CYP4V2: variants seen among roughly 807,000 people sequenced by gnomAD.
CYP4V2 encodes the protein cytochrome P450 family 4 subfamily V member 2.
Under a neutral mutation model 60.8 loss-of-function variants are expected in CYP4V2, and 55 were observed. The ratio of observed to expected loss-of-function variants is 0.90; its 90% confidence interval spans 0.73 to 1.13. CYP4V2 has a LOEUF of 1.13. Ranked by LOEUF, CYP4V2 falls within the 50% of genes most tolerant of loss-of-function variation. The probability of loss-of-function intolerance (pLI) is 0.00; values close to 1 mark genes in which losing one functional copy is unlikely to be tolerated. For missense variants in CYP4V2, 675 were observed against 662.9 expected (o/e 1.02, Z -0.20); for synonymous variants, 239 against 236.8 (o/e 1.01, Z -0.08).
chr4:186,205,613 A>G (rs955182491), intron 8 of CYP4V2, among the ~76,000 whole-genome samples: 1 of 152,168 alleles, frequency 6.6e-6, no homozygotes, highest in Non-Finnish European at 1.5e-5. Flanking sequence ...TATTTGGGAG[A>G]AAGGAGGAGC....
chr4:186,191,821 G>C lies in CYP4V2; in HGVS notation c.-3G>C. 6.4e-7 allele frequency: 1 copy of C among 1,553,714 alleles called. No homozygotes were observed. The highest frequency in any genetic ancestry group is 8.6e-7 in the Non-Finnish European group (1 of 1,156,524). On this transcript the variant is annotated 5_prime_UTR_variant, in exon 1 of 11. Coordinates refer to ENST00000378802, the MANE Select transcript of CYP4V2 (RefSeq NM_207352.4). ...GTGCACCCCGCGGCCGCCAGCCGGGGCGATGGCGGGGCTCTGGCTGGGGCT... is the reference window on the plus strand; with the variant it reads ...GTGCACCCCGCGGCCGCCAGCCGGGCCGATGGCGGGGCTCTGGCTGGGGCT...
At position 186,192,026 on chromosome 4, in the gene CYP4V2, C is replaced by T. The variant is rs1736001184; in HGVS notation, c.203C>T (p.Pro68Leu). 3 of 1,578,360 alleles carry T rather than the reference C, an allele frequency of 1.9e-6. No individual in the cohort carries two copies. The highest frequency in any genetic ancestry group is 1.8e-5 in the Admixed American group (1 of 56,356). The stretch of plus-strand genomic sequence containing the variant: ...GTGGGCCACGCGCTGCTGATGAAGC[C>T]GGACGGGCGAGGTAAGGGCCGGCGC... ...PLVGHALLMKPDGREFFQQII... is the reference protein window; with the variant it reads ...PLVGHALLMKLDGREFFQQII... The change falls in exon 1 of 11, where the codon CCG becomes CTG. Residue 68 changes from proline (P) to leucine (L), a missense_variant. Transcript: ENST00000378802.
At chr4:186,209,034 G>C (rs1346362557) in intron 9 of CYP4V2, 35 bp downstream of exon 9, 1 of 1,614,142 alleles carries the variant, frequency 6.2e-7, no homozygotes, top group Non-Finnish European at 8.5e-7. Flanking sequence ...AAGGGAGAGG[G>C]AAACTTTCTA....
In CYP4V2 at chr4:186,210,669, T is replaced by C; in HGVS notation, c.*28T>C. 1.2e-6 allele frequency: 2 copies of C among 1,613,756 alleles called. No individual in the cohort carries two copies. The highest frequency in any genetic ancestry group is 8.5e-7 in the Non-Finnish European group (1 of 1,179,818). On this transcript the variant is annotated 3_prime_UTR_variant, in exon 11 of 11. Coordinates refer to ENST00000378802, the MANE Select transcript of CYP4V2 (RefSeq NM_207352.4). ...ATATTATTGGGTTGTGCCTTTATCA[T>C]GAGAAAGGTCTTTATTTTAAGAGAT...
At chr4:186,193,239 T>C (rs931652776) in intron 1 of CYP4V2, among the ~76,000 whole-genome samples, 3 of 152,142 alleles carry the variant, frequency 2.0e-5, no homozygotes, top group Non-Finnish European at 4.4e-5. Context: ...ATATAGATTT[T>C]CCCCTATCCC....
At chr4:186,209,365 C>A in intron 10 of CYP4V2, 93 bp downstream of exon 10, 1 of 1,484,798 alleles carries the variant, frequency 6.7e-7, no homozygotes, top group Non-Finnish European at 9.3e-7. Flanking sequence ...TGACATTGCC[C>A]ATATGCAACA....
intron 6 of CYP4V2, among the ~76,000 whole-genome samples, chr4:186,200,585 C>T (rs1033566710): frequency 2.0e-5 from 3 of 152,080 alleles, no homozygotes; most frequent in Non-Finnish European, 4.4e-5. Flanking sequence ...TAGGAGGCGT[C>T]GCAGTGCTAG....
chr4:186,206,486 A>G (rs761385652), intron 8 of CYP4V2, among the ~76,000 whole-genome samples: 9 of 152,220 alleles, frequency 5.9e-5, no homozygotes, highest in South Asian at 2.1e-4. Flanking sequence ...ATGGCCCCCA[A>G]TAGCTGCAAG....
chr4:186,210,363 C>G (rs775583421), intron 10 of CYP4V2, 106 bp from the exon 11 acceptor site: 18 of 1,442,094 alleles, frequency 1.2e-5, no homozygotes, highest in Non-Finnish European at 1.6e-5. Flanking sequence ...CTCCTTCCAC[C>G]TACTGCGAAA....
intron 6 of CYP4V2, 130 bp from the exon 7 acceptor site, chr4:186,201,026 AT>A (rs1736289816): frequency 1.1e-6 from 1 of 903,934 alleles, no homozygotes; most frequent in South Asian, 1.6e-5. Flanking sequence ...ACAAGAGCCT[AT>A]GTTGTCGAAA....
chr4:186,200,503 C>T (rs569486678), intron 6 of CYP4V2, among the ~76,000 whole-genome samples: 26 of 152,232 alleles, frequency 1.7e-4, no homozygotes, highest in Non-Finnish European at 3.1e-4. Flanking sequence ...TATAATATCA[C>T]ATTATAATAA....
intron 8 of CYP4V2, among the ~76,000 whole-genome samples, chr4:186,206,006 G>A (rs549834824): frequency 6.6e-6 from 1 of 152,174 alleles, no homozygotes; most frequent in Non-Finnish European, 1.5e-5. Context: ...GGACACCCGA[G>A]TCAAAGATCA....
chr4:186,194,885 A>G (rs7683132), intron 2 of CYP4V2, among the ~76,000 whole-genome samples: 72,943 of 152,010 alleles, frequency 0.48, 18,586 homozygotes, highest in African/African-American at 0.65. Context: ...TAGAAACACA[A>G]ATAAATTATT....
intron 7 of CYP4V2, chr4:186,204,989 G>A (rs1013434170): frequency 3.5e-5 from 22 of 622,108 alleles, no homozygotes; most frequent in African/African-American, 1.5e-4. Flanking sequence ...ACCGTGCGGC[G>A]TGGAACTGCC....
In CYP4V2 at chr4:186,191,965, C is replaced by T; in HGVS notation, c.142C>T (p.Arg48Trp). Residue 48 changes from arginine to tryptophan, a missense_variant, in exon 1 of 11, where the codon CGG (arginine) becomes TGG (tryptophan). Coordinates refer to ENST00000378802, the MANE Select transcript of CYP4V2 (RefSeq NM_207352.4). ...ASYARKWQQMRPIPTVARAYP... is the reference protein window; with the variant it reads ...ASYARKWQQMWPIPTVARAYP... ...CTACGCGCGGAAATGGCAGCAGATG[C>T]GGCCCATCCCCACGGTGGCCCGCGC... 1 of 1,585,952 alleles carries T rather than the reference C, an allele frequency of 6.3e-7. No individual in the cohort carries two copies. The highest frequency in any genetic ancestry group is 1.3e-5 in the African/African-American group (1 of 74,608).
chr4:186,194,606 T>C lies in CYP4V2; in HGVS notation c.321T>C (p.Asn107=), dbSNP rs1736091518. 1.2e-6 allele frequency: 2 copies of C among 1,613,242 alleles called. No individual in the cohort carries two copies. The highest frequency in any genetic ancestry group is 1.7e-6 in the Non-Finnish European group (2 of 1,179,342). ...VPMVALYNAE[N]VEVILTSSKQ... ...TGGTGGCCCTTTATAATGCAGAAAA[T>C]GTGGAGGTGGGTACATGTGAATATG... is the stretch of plus-strand genomic sequence containing the variant. Residue 107 remains asparagine (N), a synonymous_variant, in exon 2 of 11, where the codon AAT becomes AAC. Transcript: ENST00000378802.
At chr4:186,207,654 CAT>C (rs930351774) in intron 8 of CYP4V2, among the ~76,000 whole-genome samples, 1 of 149,934 alleles carries the variant, frequency 6.7e-6, no homozygotes, top group Non-Finnish European at 1.5e-5. Context: ...TGTCACATAA[CAT>C]AAAATCTACC....
At position 186,210,578 on chromosome 4, in the gene CYP4V2, G is replaced by A. The variant is rs780681619; in HGVS notation, c.1515G>A (p.Leu505=). 26 of 1,614,058 alleles carry A rather than the reference G, an allele frequency of 1.6e-5. No homozygotes were observed. The highest frequency in any genetic ancestry group is 2.0e-5 in the Non-Finnish European group (24 of 1,180,038). Residue 505 remains leucine (L), a synonymous_variant, in exon 11 of 11, where the codon TTG becomes TTA. Transcript: ENST00000378802. The part of the protein sequence containing the change: ...KREELGLEGQ[L]ILRPSNGIWI... The stretch of plus-strand genomic sequence containing the variant: ...AAGAGCTTGGTCTAGAAGGACAGTT[G>A]ATTCTTCGTCCAAGTAATGGCATCT...
intron 7 of CYP4V2, chr4:186,203,956 AT>A (rs1480003024): frequency 6.6e-6 from 1 of 152,274 alleles, no homozygotes; most frequent in African/African-American, 2.4e-5. Flanking sequence ...GAGATCTTTT[AT>A]AGAGGAAATA....
Sources: allele counts gnomAD v4.1 joint callset (sites outside exome capture counted in the v4.1 genomes callset), GRCh38; gene constraint gnomAD v4.1.1; transcripts MANE v1.5; gene names NCBI Gene and HGNC (gene_info 2026-07-23, HGNC 2026-07-21).